The following SIPA1L2 variants were observed in gnomAD, a reference collection of about 807,000 sequenced individuals.
SIPA1L2 encodes the protein signal induced proliferation associated 1 like 2, also known as signal-induced proliferation-associated 1-like protein 2.
In SIPA1L2, 56 loss-of-function variants were observed where a neutral mutation model predicts 163.9. The ratio of observed to expected loss-of-function variants is 0.34; its 90% CI spans 0.28 to 0.43. The LOEUF (loss-of-function observed/expected upper bound fraction) is 0.43, where lower values mean the gene tolerates loss of function less well. SIPA1L2 is among the 20% of genes least tolerant of loss of function. The pLI, the probability that SIPA1L2 is intolerant of heterozygous loss-of-function variation, is 1.00. For synonymous variants in SIPA1L2, 877 were observed against 865.7 expected (o/e 1.01, Z -0.23); for missense variants, 1,974 against 2,193.5 (o/e 0.90, Z 2.00).
chr1:232,558,234 G>C (rs1034623453), intron 2 of SIPA1L2, among the ~76,000 whole-genome samples: 3 of 152,336 alleles, frequency 2.0e-5, no homozygotes, highest in African/African-American at 7.2e-5. Context: ...CATAATTAAA[G>C]AGAGTTTTGG....
At chr1:232,441,712 G>T in intron 13 of SIPA1L2, 56 bp downstream of exon 13, 1 of 1,367,700 alleles carries the variant, frequency 7.3e-7, no homozygotes, top group Non-Finnish European at 1.0e-6. Flanking sequence ...AGAGGAGGGG[G>T]CAGAGAGGGG....
chr1:232,462,207 A>C (rs756380520), intron 9 of SIPA1L2: 3 of 1,550,366 alleles, frequency 1.9e-6, no homozygotes, highest in Non-Finnish European at 1.7e-6. Flanking sequence ...CATAGTTTAC[A>C]TCCAATGAAA....
chr1:232,493,802 AAGTCTTCTGGTT>A, intron 3 of SIPA1L2, 142 bp from the exon 4 acceptor site: 1 of 1,108,872 alleles, frequency 9.0e-7, no homozygotes, highest in Non-Finnish European at 1.3e-6. Context: ...CTGTTTCATC[AAGTCTTCTGGTT>A]TCCAGTTCGG....
intron 3 of SIPA1L2, among the ~76,000 whole-genome samples, chr1:232,504,435 G>C (rs1666627722): frequency 6.6e-6 from 1 of 151,992 alleles, no homozygotes; most frequent in Non-Finnish European, 1.5e-5. Context: ...CTACTCGGGA[G>C]GCTGAGGCAC....
chr1:232,611,907 C>A (rs1662255858), intron 1 of SIPA1L2, among the ~76,000 whole-genome samples: 2 of 152,222 alleles, frequency 1.3e-5, no homozygotes, highest in Non-Finnish European at 1.5e-5. Context: ...GCCTTCCCAG[C>A]AGCCCCTCCC....
At chr1:232,553,413 T>A (rs915361966) in intron 2 of SIPA1L2, among the ~76,000 whole-genome samples, 2 of 152,130 alleles carry the variant, frequency 1.3e-5, no homozygotes, top group Admixed American at 1.3e-4. Flanking sequence ...AGACAACATT[T>A]GGGCATGAAA....
chr1:232,418,951 T>C (rs1553278625), intron 18 of SIPA1L2, among the ~76,000 whole-genome samples: 1 of 152,132 alleles, frequency 6.6e-6, no homozygotes, highest in Non-Finnish European at 1.5e-5. Context: ...GGCACAACAG[T>C]GGGTAGGGCA....
At chr1:232,468,489 C>T (rs1028658398) in intron 8 of SIPA1L2, among the ~76,000 whole-genome samples, 2 of 152,184 alleles carry the variant, frequency 1.3e-5, no homozygotes, top group Non-Finnish European at 2.9e-5. Flanking sequence ...TTCAGTGCCT[C>T]CCTGCCCTCA....
Position 232,538,880 on chromosome 1 carries a change from A to G in SIPA1L2, c.-269-23272T>C, listed in dbSNP as rs116991496. Reference sequence around the variant, plus strand: ...AAGACAAAATTTGACCTCAGCATCTAAACCTGCAAGCGTATATAGAATATC... The same window carrying G: ...AAGACAAAATTTGACCTCAGCATCTGAACCTGCAAGCGTATATAGAATATC... On this transcript the variant is annotated intron_variant, in intron 2 of 22. Coordinates refer to ENST00000674635, the MANE Select transcript of SIPA1L2 (RefSeq NM_020808.5). 9.7e-4 allele frequency among the ~76,000 whole-genome samples: 148 copies of G among 152,338 alleles called. 3 individuals carry two copies. The East Asian group carries it at 0.013, about 13-fold the overall frequency.
chr1:232,601,927 A>G (rs1661614775), intron 1 of SIPA1L2, among the ~76,000 whole-genome samples: 1 of 152,230 alleles, frequency 6.6e-6, no homozygotes, highest in African/African-American at 2.4e-5. Flanking sequence ...TTATGATTTA[A>G]AATATGGGAT....
intron 2 of SIPA1L2, among the ~76,000 whole-genome samples, chr1:232,551,856 T>G (rs10910556): frequency 6.6e-6 from 1 of 152,160 alleles, no homozygotes; most frequent in African/African-American, 2.4e-5. Context: ...ATTTTCCCCA[T>G]GAGAAGAAGT....
chr1:232,502,626 T>C (rs921484802), intron 3 of SIPA1L2, among the ~76,000 whole-genome samples: 24 of 152,216 alleles, frequency 1.6e-4, no homozygotes, highest in Non-Finnish European at 2.6e-4. Context: ...CCCATTTTCC[T>C]CTTTCTGTCT....
At chr1:232,434,058 C>A (rs2102839314) in intron 15 of SIPA1L2, among the ~76,000 whole-genome samples, 1 of 152,276 alleles carries the variant, frequency 6.6e-6, no homozygotes, top group East Asian at 1.9e-4. Context: ...AGTGACCCAG[C>A]AAAGGATTAT....
intron 2 of SIPA1L2, among the ~76,000 whole-genome samples, chr1:232,521,406 C>T (rs994558427): frequency 2.0e-5 from 3 of 152,196 alleles, no homozygotes; most frequent in Admixed American, 1.3e-4. Flanking sequence ...GATTTAGTCT[C>T]CACAAGAAAC....
chr1:232,461,111 C>G lies in SIPA1L2; in HGVS notation c.2871G>C (p.Gly957=), dbSNP rs371273839. 1 of 1,614,258 alleles carries G rather than the reference C, an allele frequency of 6.2e-7. No individual in the cohort carries two copies. The highest frequency in any genetic ancestry group is 1.1e-5 in the South Asian group (1 of 91,086). ...TCACATGGAAGCCAAGCTGGCCCAG[C>G]CCGTTCCTCCTCAGGGTCATTTCCA... The part of the protein sequence containing the change: ...ETVEMTLRRN[G]LGQLGFHVNF... The change falls in exon 10 of 23, where the codon GGG becomes GGC. Residue 957 remains glycine, a synonymous_variant. Coordinates refer to ENST00000674635, the MANE Select transcript of SIPA1L2 (RefSeq NM_020808.5).
At chr1:232,544,974 C>T (rs7545448) in intron 2 of SIPA1L2, among the ~76,000 whole-genome samples, 2,456 of 152,294 alleles carry the variant, frequency 0.016, 31 homozygotes, top group Non-Finnish European at 0.025. Flanking sequence ...CACCTGTAAA[C>T]GGGACAGGCC....
chr1:232,624,176 G>A (rs1033549741), intron 1 of SIPA1L2, among the ~76,000 whole-genome samples: 3 of 152,052 alleles, frequency 2.0e-5, no homozygotes, highest in Non-Finnish European at 2.9e-5. Flanking sequence ...GTGTATAGAT[G>A]GGATGCACGT....
intron 1 of SIPA1L2, among the ~76,000 whole-genome samples, chr1:232,611,236 C>T (rs947677382): frequency 2.0e-5 from 3 of 152,178 alleles, no homozygotes; most frequent in African/African-American, 7.2e-5. Flanking sequence ...ACCATTTTTT[C>T]TTCCCAGTCT....
chr1:232,565,390 G>T (rs1403698413), intron 2 of SIPA1L2, among the ~76,000 whole-genome samples: 4 of 152,202 alleles, frequency 2.6e-5, no homozygotes, highest in African/African-American at 9.7e-5. Context: ...ATGGCTAAGA[G>T]CCTGACACTA....
Sources: allele counts gnomAD v4.1 joint callset (sites outside exome capture counted in the v4.1 genomes callset), GRCh38; gene constraint gnomAD v4.1.1; transcripts MANE v1.5; gene names NCBI Gene and HGNC (gene_info 2026-07-23, HGNC 2026-07-21).